The following AGBL4 variants were observed in gnomAD, a reference collection of about 807,000 sequenced individuals.
AGBL4 encodes the protein cytosolic carboxypeptidase 6.
Under a neutral mutation model 66.4 loss-of-function variants are expected in AGBL4, and 58 were observed. The observed-to-expected ratio is 0.87, with a 90% confidence interval of 0.71 to 1.09. The LOEUF is 1.09. Among genes scored for constraint, AGBL4 ranks in the 50% least tolerant of loss-of-function variants. The pLI is 0.00. For synonymous variants in AGBL4, 234 were observed against 222.9 expected (o/e 1.05, Z -0.44); for missense variants, 579 against 631.0 (o/e 0.92, Z 0.88).
chr1:49,592,887 G>A lies in AGBL4; in HGVS notation c.282+104426C>T, dbSNP rs368185840. Among the ~76,000 whole-genome samples the A allele has an allele frequency of 3.3e-5, 5 of 152,114 alleles. No individual in the cohort carries two copies. The South Asian group carries it at 8.3e-4, about 25-fold the overall frequency. On this transcript the variant is annotated intron_variant, in intron 3 of 13. Transcript: ENST00000371839. Reference sequence around the variant, plus strand: ...TTTGACCCCGCAATTCCATTACTGAGTATACACCCAAAGAGATATAAATTG... The same window carrying A: ...TTTGACCCCGCAATTCCATTACTGAATATACACCCAAAGAGATATAAATTG...
At chr1:48,885,391 C>T (rs1225189696) in intron 5 of AGBL4, among the ~76,000 whole-genome samples, 1 of 152,008 alleles carries the variant, frequency 6.6e-6, no homozygotes, top group Non-Finnish European at 1.5e-5. Context: ...ACTCTATTGC[C>T]CTATAAGAAA....
intron 6 of AGBL4, among the ~76,000 whole-genome samples, chr1:48,846,321 T>C (rs1025643056): frequency 2.1e-5 from 3 of 142,254 alleles, no homozygotes; most frequent in African/African-American, 5.2e-5. Flanking sequence ...GACAGATAGA[T>C]AGATCGATAG....
intron 9 of AGBL4, among the ~76,000 whole-genome samples, chr1:48,628,610 C>T (rs1192616603): frequency 6.6e-6 from 1 of 152,034 alleles, no homozygotes; most frequent in African/African-American, 2.4e-5. Context: ...CCTCACATGC[C>T]CTCCTCACAG....
downstream of AGBL4, among the ~76,000 whole-genome samples, chr1:48,531,030 A>G (rs953118776): frequency 3.9e-5 from 6 of 152,140 alleles, no homozygotes; most frequent in African/African-American, 1.4e-4. Flanking sequence ...GGTCATAGGT[A>G]TAACCTTGTT....
intron 1 of AGBL4, among the ~76,000 whole-genome samples, chr1:50,012,027 C>T (rs1216181232): frequency 1.3e-5 from 2 of 151,978 alleles, no homozygotes; most frequent in Non-Finnish European, 1.5e-5. Context: ...GGCGCGGTGG[C>T]GGGCGCCTGT....
chr1:49,109,712 A>G (rs1174273728), intron 4 of AGBL4, among the ~76,000 whole-genome samples: 2 of 152,118 alleles, frequency 1.3e-5, no homozygotes, highest in Non-Finnish European at 2.9e-5. Flanking sequence ...GAATCACTAG[A>G]TTGACTAATC....
At chr1:49,383,913 C>G (rs771087649) in intron 3 of AGBL4, among the ~76,000 whole-genome samples, 7 of 151,988 alleles carry the variant, frequency 4.6e-5, no homozygotes, top group Non-Finnish European at 1.0e-4. Context: ...TCCCCTGCCT[C>G]AGCCTCCTGA....
intron 2 of AGBL4, among the ~76,000 whole-genome samples, chr1:49,744,791 G>T (rs1373877643): frequency 6.6e-6 from 1 of 151,930 alleles, no homozygotes; most frequent in Non-Finnish European, 1.5e-5. Flanking sequence ...GCCAAATAAG[G>T]CAGAGAAGAA....
chr1:48,946,309 A>T lies in AGBL4; in HGVS notation c.595-79079T>A, dbSNP rs12089827. ...CCCTATGACCCATGAACCATTCAGT[A>T]AACATTTGCTGAATGAATGGACAAA... On this transcript the variant is annotated intron_variant, in intron 5 of 13. Coordinates refer to ENST00000371839, the MANE Select transcript of AGBL4 (RefSeq NM_032785.4). Among the ~76,000 whole-genome samples, 304 of 152,338 alleles carry T rather than the reference A, an allele frequency of 2.0e-3. 5 individuals are homozygous for T. Among genetic ancestry groups the T allele is most frequent in the African/African-American group, 6.8e-3 (281 of 41,572 alleles).
intron 12 of AGBL4, among the ~76,000 whole-genome samples, chr1:48,536,468 G>T (rs1643972425): frequency 6.6e-6 from 1 of 152,210 alleles, no homozygotes; most frequent in Non-Finnish European, 1.5e-5. Flanking sequence ...CTGATACATA[G>T]TTGAGTACTT....
chr1:49,540,985 A>G (rs1651966249), intron 3 of AGBL4, among the ~76,000 whole-genome samples: 1 of 152,212 alleles, frequency 6.6e-6, no homozygotes, highest in Non-Finnish European at 1.5e-5. Flanking sequence ...AATCACCAAG[A>G]AAATTATTCT....
chr1:49,585,120 A>G (rs1214077056), intron 3 of AGBL4, among the ~76,000 whole-genome samples: 1 of 152,204 alleles, frequency 6.6e-6, no homozygotes, highest in South Asian at 2.1e-4. Context: ...AGTTAGAGTT[A>G]ATTATTTTCA....
intron 6 of AGBL4, among the ~76,000 whole-genome samples, chr1:48,841,769 A>C (rs1191536148): frequency 6.6e-6 from 1 of 152,116 alleles, no homozygotes; most frequent in Non-Finnish European, 1.5e-5. Context: ...CTGCACATTG[A>C]ATCATGCACT....
intron 3 of AGBL4, among the ~76,000 whole-genome samples, chr1:49,487,995 T>G (rs890278635): frequency 6.6e-6 from 1 of 151,972 alleles, no homozygotes; most frequent in Non-Finnish European, 1.5e-5. Context: ...TGAAGAAACC[T>G]AAATTGAAAT....
rs1158464628 is a variant in AGBL4 at position 48,941,607 on chromosome 1, A to G, written c.595-74377T>C. Among the ~76,000 whole-genome samples the G allele has an allele frequency of 2.6e-5, 4 of 152,198 alleles. No homozygotes were observed. The East Asian group carries it at 7.7e-4, about 29-fold the overall frequency. ...TCCTTTAAGCTGTGTGGGGAAGAGCAATATTGTAAAAGACTAAATTTCCTG... is the reference window on the plus strand; with the variant it reads ...TCCTTTAAGCTGTGTGGGGAAGAGCGATATTGTAAAAGACTAAATTTCCTG... On this transcript the variant is annotated intron_variant, in intron 5 of 13. Coordinates refer to ENST00000371839, the MANE Select transcript of AGBL4 (RefSeq NM_032785.4).
intron 5 of AGBL4, among the ~76,000 whole-genome samples, chr1:48,989,507 C>T (rs952098169): frequency 3.3e-5 from 5 of 152,100 alleles, no homozygotes; most frequent in African/African-American, 1.2e-4. Context: ...ACCATCCCCA[C>T]TCTATCCTCC....
chr1:48,638,889 G>A (rs916141335), intron 8 of AGBL4, among the ~76,000 whole-genome samples: 6 of 152,124 alleles, frequency 3.9e-5, no homozygotes, highest in Non-Finnish European at 2.9e-5. Flanking sequence ...TCAATCACAT[G>A]GTAAACCTCA....
intron 4 of AGBL4, among the ~76,000 whole-genome samples, chr1:49,129,591 A>G (rs978137416): frequency 6.6e-6 from 1 of 151,174 alleles, no homozygotes; most frequent in African/African-American, 2.4e-5. Flanking sequence ...GCGATAGTTT[A>G]CTGAGAATGA....
chr1:49,501,432 G>T (rs866271304), intron 3 of AGBL4, among the ~76,000 whole-genome samples: 4 of 152,188 alleles, frequency 2.6e-5, no homozygotes, highest in Middle Eastern at 3.4e-3. Context: ...TCTCCTATCT[G>T]CCATCTTCCT....
Sources: allele counts gnomAD v4.1 joint callset (sites outside exome capture counted in the v4.1 genomes callset), GRCh38; gene constraint gnomAD v4.1.1; transcripts MANE v1.5; gene names NCBI Gene and HGNC (gene_info 2026-07-23, HGNC 2026-07-21).